The following RIMS2 variants were observed in gnomAD, a reference collection of about 807,000 sequenced individuals.
RIMS2 encodes regulating synaptic membrane exocytosis 2.
Under a neutral mutation model 174.4 loss-of-function variants are expected in RIMS2, and 59 were observed. The ratio of observed to expected loss-of-function variants is 0.34; its 90% CI spans 0.27 to 0.42. The LOEUF is 0.42. Ranked by LOEUF, RIMS2 falls within the 10% of genes least tolerant of loss-of-function variation. The pLI is 1.00. For missense variants in RIMS2, 1,620 were observed against 1,666.3 expected (o/e 0.97, Z 0.48); for synonymous variants, 606 against 572.5 (o/e 1.06, Z -0.84).
intron 3 of RIMS2, among the ~76,000 whole-genome samples, chr8:103,835,966 T>C (rs2098885948): frequency 6.6e-6 from 1 of 152,192 alleles, no homozygotes; most frequent in South Asian, 2.1e-4. Context: ...AAATGCAAGA[T>C]TGGTATGACT....
intron 3 of RIMS2, among the ~76,000 whole-genome samples, chr8:103,809,668 C>A (rs1191172956): frequency 6.6e-6 from 1 of 152,128 alleles, no homozygotes; most frequent in Non-Finnish European, 1.5e-5. Context: ...CCTTGAGATT[C>A]GTCACCTTTG....
chr8:104,169,304 C>CTATATATATATATA (rs751636552), intron 19 of RIMS2, among the ~76,000 whole-genome samples: 20 of 87,500 alleles, frequency 2.3e-4, no homozygotes, highest in African/African-American at 5.6e-4. Flanking sequence ...TTGTTGTTGG[C>CTATATATATATATA]TATATATATA....
intron 15 of RIMS2, among the ~76,000 whole-genome samples, chr8:103,967,719 A>G (rs1005588954): frequency 1.3e-5 from 2 of 152,164 alleles, no homozygotes; most frequent in African/African-American, 2.4e-5. Context: ...TGTTAGATGC[A>G]TACACATTAA....
At chr8:103,969,818 A>G (rs2092645994) in intron 15 of RIMS2, among the ~76,000 whole-genome samples, 1 of 152,054 alleles carries the variant, frequency 6.6e-6, no homozygotes, top group Admixed American at 6.5e-5. Context: ...CACGATCCCA[A>G]CTCACTGCAA....
intron 16 of RIMS2, among the ~76,000 whole-genome samples, chr8:103,980,045 C>G (rs1381788662): frequency 1.3e-5 from 2 of 152,158 alleles, no homozygotes; most frequent in Non-Finnish European, 2.9e-5. Flanking sequence ...TAGTGCCAGG[C>G]TGGGCTCAGA....
At chr8:103,655,435 C>T (rs1165895246) in intron 1 of RIMS2, among the ~76,000 whole-genome samples, 7 of 150,506 alleles carry the variant, frequency 4.7e-5, no homozygotes, top group Admixed American at 2.0e-4. Context: ...AACTTTGTAT[C>T]TGCAATACAT....
chr8:103,817,096 C>T (rs1011119925), intron 3 of RIMS2, among the ~76,000 whole-genome samples: 1 of 152,106 alleles, frequency 6.6e-6, no homozygotes, highest in Non-Finnish European at 1.5e-5. Flanking sequence ...TTTGTTTACA[C>T]TTGTAGAAAT....
At chr8:103,576,795 G>C (rs1178940415) in intron 1 of RIMS2, among the ~76,000 whole-genome samples, 1 of 152,090 alleles carries the variant, frequency 6.6e-6, no homozygotes, top group Non-Finnish European at 1.5e-5. Flanking sequence ...TCTGATCTTT[G>C]ATATCCCTAA....
At chr8:104,129,067 T>G (rs984253553) in intron 19 of RIMS2, among the ~76,000 whole-genome samples, 17 of 152,170 alleles carry the variant, frequency 1.1e-4, no homozygotes, top group African/African-American at 3.9e-4. Context: ...CTAAATTGTT[T>G]ATATGAAGGG....
rs1266173806 is a variant in RIMS2 at position 104,148,658 on chromosome 8, C to G, written c.3335-96258C>G. On this transcript the variant is annotated intron_variant, in intron 19 of 23. Transcript: ENST00000504942. ...GACAAATGGGCATATCAGGGAAGAACATGACAAAAAGCACCAGCATCAGTG... is the reference window on the plus strand; with the variant it reads ...GACAAATGGGCATATCAGGGAAGAAGATGACAAAAAGCACCAGCATCAGTG... The G allele has an allele frequency of 3.8e-6, 6 of 1,598,024 alleles. No individual in the cohort carries two copies. In the African/African-American group the frequency reaches 8.0e-5, roughly 21 times the overall value.
chr8:103,672,804 T>C (rs961855385), intron 1 of RIMS2, among the ~76,000 whole-genome samples: 1 of 152,098 alleles, frequency 6.6e-6, no homozygotes, highest in Non-Finnish European at 1.5e-5. Flanking sequence ...CATAACTAAA[T>C]ACAATCATGC....
intron 19 of RIMS2, among the ~76,000 whole-genome samples, chr8:104,024,005 G>C (rs1171136419): frequency 6.6e-6 from 1 of 152,164 alleles, no homozygotes; most frequent in Non-Finnish European, 1.5e-5. Context: ...ATTAAGAGCA[G>C]TTTCAGTGGA....
chr8:104,223,974 T>G (rs2099169596), intron 19 of RIMS2, among the ~76,000 whole-genome samples: 1 of 152,146 alleles, frequency 6.6e-6, no homozygotes, highest in Non-Finnish European at 1.5e-5. Flanking sequence ...GTTTCTTGGT[T>G]ATTTGGAGAG....
chr8:104,203,564 C>T (rs905424806), intron 19 of RIMS2, among the ~76,000 whole-genome samples: 1 of 139,486 alleles, frequency 7.2e-6, no homozygotes, highest in African/African-American at 2.7e-5. Context: ...AGTTCAGTGG[C>T]GCAATCTCAG....
chr8:103,876,379 G>T (rs1022766656), intron 3 of RIMS2, among the ~76,000 whole-genome samples: 1 of 150,736 alleles, frequency 6.6e-6, no homozygotes, highest in African/African-American at 2.4e-5. Flanking sequence ...CCAGTGTATG[G>T]TTTTTTTTTA....
intron 19 of RIMS2, among the ~76,000 whole-genome samples, chr8:104,187,003 A>G (rs184736568): frequency 1.7e-3 from 253 of 151,906 alleles, no homozygotes; most frequent in African/African-American, 4.0e-3. Flanking sequence ...AGGGAAAAAA[A>G]GGAAAGAAGA....
intron 19 of RIMS2, among the ~76,000 whole-genome samples, chr8:104,034,193 T>C (rs10094443): frequency 0.25 from 38,481 of 152,022 alleles, 5,278 homozygotes; most frequent in African/African-American, 0.35. Context: ...AAATCTATGC[T>C]AGAACAATTT....
chr8:103,527,261 T>C (rs901530252), intron 1 of RIMS2, among the ~76,000 whole-genome samples: 2 of 152,214 alleles, frequency 1.3e-5, no homozygotes, highest in African/African-American at 4.8e-5. Context: ...TATCCCTCAG[T>C]ATCACTGGAG....
chr8:104,194,231 C>T (rs995894877), intron 19 of RIMS2, among the ~76,000 whole-genome samples: 4 of 151,892 alleles, frequency 2.6e-5, no homozygotes, highest in Non-Finnish European at 4.4e-5. Flanking sequence ...CTGTAATCTT[C>T]AGACATTGTG....
Sources: allele counts gnomAD v4.1 joint callset (sites outside exome capture counted in the v4.1 genomes callset), GRCh38; gene constraint gnomAD v4.1.1; transcripts MANE v1.5; gene names NCBI Gene and HGNC (gene_info 2026-07-23, HGNC 2026-07-21).